RBMS3: variants seen among roughly 807,000 people sequenced by gnomAD.
The protein encoded by RBMS3 is RNA binding motif single stranded interacting protein 3.
In RBMS3, 27 loss-of-function variants were observed where a neutral mutation model predicts 66.8. The ratio of observed to expected loss-of-function variants is 0.40; its 90% CI spans 0.30 to 0.56. RBMS3 has a LOEUF of 0.56. Among genes scored for constraint, RBMS3 ranks in the 20% least tolerant of loss-of-function variants. The probability of loss-of-function intolerance (pLI) is 0.40; values close to 1 mark genes in which losing one functional copy is unlikely to be tolerated. For missense variants in RBMS3, 513 were observed against 549.5 expected, an observed-to-expected ratio of 0.93 and a Z score of 0.66; for synonymous variants, 188 against 183.0, an observed-to-expected ratio of 1.03 and a Z score of -0.22.
At chr3:29,559,510 C>CAAAAAAAAAAAAAAAAAAAAAAAAA (rs553520590) in intron 3 of RBMS3, among the ~76,000 whole-genome samples, 1 of 41,336 alleles carries the variant, frequency 2.4e-5, no homozygotes. Context: ...GACTCTGTCT[C>CAAAAAAAAAAAAAAAAAAAAAAAAA]AAAAAAAAAA....
chr3:29,393,705 TGAGAA>T (rs945655046), intron 1 of RBMS3, among the ~76,000 whole-genome samples: 3 of 152,020 alleles, frequency 2.0e-5, no homozygotes, highest in Admixed American at 6.6e-5. Flanking sequence ...CCCTAAGTGT[TGAGAA>T]GAGAAAGAGT....
intron 2 of RBMS3, among the ~76,000 whole-genome samples, chr3:29,440,580 T>TA (rs1441734324): frequency 6.6e-6 from 1 of 152,168 alleles, no homozygotes; most frequent in Non-Finnish European, 1.5e-5. Context: ...TTTCCCCCTT[T>TA]AAAATGAAAC....
At position 30,004,367 on chromosome 3, in the gene RBMS3, A is replaced by G. The variant is rs1699740565; in HGVS notation, c.*505A>G. 6.6e-6 allele frequency: 1 copy of G among 152,132 alleles called. No homozygotes were observed. Among genetic ancestry groups the G allele is most frequent in the Admixed American group, 6.6e-5 (1 of 15,176 alleles). 9.4% of individuals were successfully genotyped at this position (152,132 alleles called of 1,614,324 possible). A position where few individuals can be genotyped will look rare whatever the true frequency, so the allele number is the denominator to read the frequency against. On this transcript the variant is annotated 3_prime_UTR_variant, in exon 15 of 15. Coordinates refer to ENST00000383767, the MANE Select transcript of RBMS3 (RefSeq NM_001003793.3). ...ATTTTTTCTTAGAAATATGTAGGTAAGGTTTATCTTGAATCTTAATTGCCT... is the reference window on the plus strand; with the variant it reads ...ATTTTTTCTTAGAAATATGTAGGTAGGGTTTATCTTGAATCTTAATTGCCT...
At chr3:29,679,398 A>G (rs1017590412) in intron 4 of RBMS3, among the ~76,000 whole-genome samples, 2 of 152,132 alleles carry the variant, frequency 1.3e-5, no homozygotes, top group Non-Finnish European at 2.9e-5. Flanking sequence ...TTGCCATACA[A>G]TAGATTGCCA....
chr3:29,732,985 T>A (rs1312178555), intron 4 of RBMS3, among the ~76,000 whole-genome samples: 1 of 152,072 alleles, frequency 6.6e-6, no homozygotes, highest in Non-Finnish European at 1.5e-5. Context: ...CTCATTTGTA[T>A]TTTTTGGAAT....
At chr3:29,901,817 G>A (rs75039063) in intron 10 of RBMS3, among the ~76,000 whole-genome samples, 4,984 of 151,756 alleles carry the variant, frequency 0.033, 90 homozygotes, top group South Asian at 0.046. Flanking sequence ...AGAAGTGGCT[G>A]GGCCACACAC....
chr3:29,417,884 A>G (rs1347699927), intron 1 of RBMS3, among the ~76,000 whole-genome samples: 1 of 152,180 alleles, frequency 6.6e-6, no homozygotes, highest in Non-Finnish European at 1.5e-5. Context: ...TCAATACTCT[A>G]TTATATTTTG....
intron 5 of RBMS3, among the ~76,000 whole-genome samples, chr3:29,750,338 A>G (rs983493922): frequency 2.0e-5 from 3 of 152,208 alleles, no homozygotes; most frequent in Non-Finnish European, 4.4e-5. Context: ...GACTTAAAGT[A>G]AAACGATAAT....
chr3:29,652,134 A>T (rs1258635258), intron 4 of RBMS3, among the ~76,000 whole-genome samples: 1 of 152,108 alleles, frequency 6.6e-6, no homozygotes, highest in African/African-American at 2.4e-5. Context: ...ACAATTTAGA[A>T]ATGTAGAAAT....
chr3:29,940,686 T>A (rs766795106), intron 11 of RBMS3, among the ~76,000 whole-genome samples: 3 of 151,768 alleles, frequency 2.0e-5, no homozygotes, highest in Non-Finnish European at 4.4e-5. Context: ...AATTAACCTT[T>A]CTCTACAATT....
At chr3:29,734,777 A>G (rs2054304849) in intron 4 of RBMS3, among the ~76,000 whole-genome samples, 1 of 152,146 alleles carries the variant, frequency 6.6e-6, no homozygotes, top group Non-Finnish European at 1.5e-5. Flanking sequence ...ATCAAATGCA[A>G]TATGTAATTT....
intron 6 of RBMS3, among the ~76,000 whole-genome samples, chr3:29,862,416 A>C (rs1327869126): frequency 6.6e-6 from 1 of 152,174 alleles, no homozygotes; most frequent in Non-Finnish European, 1.5e-5. Context: ...TACACACGGC[A>C]AACTTCACTC....
At chr3:29,287,075 C>T (rs904634582) in intron 1 of RBMS3, among the ~76,000 whole-genome samples, 5 of 151,984 alleles carry the variant, frequency 3.3e-5, no homozygotes, top group African/African-American at 7.2e-5. Flanking sequence ...AGACCAAAAG[C>T]GAAAATGTAT....
At chr3:29,436,128 C>G (rs1159073686) in intron 2 of RBMS3, among the ~76,000 whole-genome samples, 1 of 152,024 alleles carries the variant, frequency 6.6e-6, no homozygotes, top group African/African-American at 2.4e-5. Context: ...TTATTTTTCT[C>G]TTTTGCAATG....
chr3:29,639,248 A>G (rs1250763138), intron 4 of RBMS3, among the ~76,000 whole-genome samples: 6 of 151,892 alleles, frequency 4.0e-5, no homozygotes, highest in Admixed American at 3.9e-4. Context: ...AAAGTTAGAA[A>G]TGACTTTCAT....
Position 29,526,520 on chromosome 3 carries a change from CAAAAAAAAAAAAAAAAAAAAAAAAAAAAA to C in RBMS3, c.307+38040_307+38068del, listed in dbSNP as rs61483868. 1.6e-3 allele frequency among the ~76,000 whole-genome samples: 58 copies of C among 35,936 alleles called. 1 individual carries two copies. Among genetic ancestry groups the C allele is most frequent in the Admixed American group, 5.3e-3 (11 of 2,078 alleles). 23.6% of individuals were successfully genotyped at this position (35,936 alleles called of 152,430 possible). A position where few individuals can be genotyped will look rare whatever the true frequency, so the allele number is the denominator to read the frequency against. On this transcript the variant is annotated intron_variant, in intron 3 of 14. Transcript: ENST00000383767. ...TGGACGACAGAGCGAGACTCCATCT[CAAAAAAAAAAAAAAAAAAAAAAAAAAAAA>C]AAAAAAAAAAAAAAAAAAGTTTGAG... is the stretch of plus-strand genomic sequence containing the variant.
intron 1 of RBMS3, among the ~76,000 whole-genome samples, chr3:29,316,438 G>T (rs1355834413): frequency 1.3e-5 from 2 of 151,654 alleles, no homozygotes; most frequent in East Asian, 3.9e-4. Context: ...TTTGTCATTT[G>T]GTTTGAACTT....
intron 4 of RBMS3, among the ~76,000 whole-genome samples, chr3:29,621,849 GAAAA>G (rs901238911): frequency 4.6e-5 from 7 of 151,962 alleles, no homozygotes; most frequent in Non-Finnish European, 8.8e-5. Flanking sequence ...GTAGAAAAAA[GAAAA>G]AAACCCACTT....
At chr3:29,828,057 T>G (rs1350436669) in intron 6 of RBMS3, among the ~76,000 whole-genome samples, 1 of 151,942 alleles carries the variant, frequency 6.6e-6, no homozygotes, top group African/African-American at 2.4e-5. Flanking sequence ...TATATGTTTG[T>G]GTGTGTGTAT....
Sources: gnomAD v4.1 joint callset for allele counts (sites outside exome capture counted in the v4.1 genomes callset) on GRCh38, gnomAD v4.1.1 for gene constraint, MANE v1.5 for transcripts, NCBI Gene and HGNC (gene_info 2026-07-23, HGNC 2026-07-21) for gene names.